The following PTN variants were observed in gnomAD, a reference collection of about 807,000 sequenced individuals.
PTN encodes the protein pleiotrophin.
PTN carries 18 observed loss-of-function variants against 24.1 expected under a neutral mutation model. The observed-to-expected ratio is 0.75, with a 90% CI of 0.52 to 1.11. The LOEUF is 1.11. Among genes scored for constraint, PTN ranks in the 50% least tolerant of loss-of-function variants. The pLI is 0.00. For missense variants in PTN, 163 were observed against 198.8 expected, an observed-to-expected ratio of 0.82 and a Z score of 1.08; for synonymous variants, 78 against 68.6, an observed-to-expected ratio of 1.14 and a Z score of -0.67.
intron 1 of PTN, among the ~76,000 whole-genome samples, chr7:137,339,216 C>T (rs1420048191): frequency 6.6e-6 from 1 of 151,948 alleles, no homozygotes; most frequent in Middle Eastern, 3.2e-3. Context: ...TTGAGATCTC[C>T]TTTAAATACA....
At chr7:137,228,509 C>T (rs779453425) in intron 4 of PTN, among the ~76,000 whole-genome samples, 23 of 151,766 alleles carry the variant, frequency 1.5e-4, no homozygotes, top group Non-Finnish European at 2.7e-4. Flanking sequence ...TTCCCCCATT[C>T]CCTTTCCGTA....
intron 1 of PTN, among the ~76,000 whole-genome samples, chr7:137,262,087 C>A (rs1163041930): frequency 6.6e-6 from 1 of 151,996 alleles, no homozygotes; most frequent in Non-Finnish European, 1.5e-5. Flanking sequence ...TTTTACTTTC[C>A]CTTATAAATA....
At chr7:137,336,139 G>A (rs754218800) in intron 1 of PTN, among the ~76,000 whole-genome samples, 3 of 152,126 alleles carry the variant, frequency 2.0e-5, no homozygotes, top group Non-Finnish European at 4.4e-5. Context: ...TTCATGTTCA[G>A]TATAACAGTT....
intron 1 of PTN, among the ~76,000 whole-genome samples, chr7:137,264,829 T>C (rs139319643): frequency 0.032 from 4,924 of 152,322 alleles, 100 homozygotes; most frequent in Middle Eastern, 0.065. Context: ...AGTTAGCTTA[T>C]CTGCTTCTTG....
chr7:137,289,163 G>A (rs1441647870), intron 1 of PTN, among the ~76,000 whole-genome samples: 1 of 152,082 alleles, frequency 6.6e-6, no homozygotes, highest in Non-Finnish European at 1.5e-5. Flanking sequence ...ATCAAACTTG[G>A]TATATTTGAC....
intron 1 of PTN, among the ~76,000 whole-genome samples, chr7:137,275,598 T>C (rs1230444903): frequency 6.6e-6 from 1 of 152,192 alleles, no homozygotes; most frequent in African/African-American, 2.4e-5. Context: ...CCAAAATCTC[T>C]TGTGGGAAAT....
chr7:137,241,857 C>A (rs1163450899), intron 4 of PTN, among the ~76,000 whole-genome samples: 1 of 152,196 alleles, frequency 6.6e-6, no homozygotes, highest in African/African-American at 2.4e-5. Flanking sequence ...TGGCCAAGTA[C>A]AAGGGCAGTA....
chr7:137,233,241 A>G (rs1019182135), intron 4 of PTN, among the ~76,000 whole-genome samples: 14 of 151,994 alleles, frequency 9.2e-5, no homozygotes, highest in East Asian at 7.8e-4. Context: ...ACTAAGAACT[A>G]AGCCCTAATC....
At chr7:137,342,187 A>G (rs1182055962) in intron 1 of PTN, among the ~76,000 whole-genome samples, 6 of 152,180 alleles carry the variant, frequency 3.9e-5, no homozygotes, top group African/African-American at 1.4e-4. Flanking sequence ...TGTTTCATCA[A>G]TTCCACATTT....
intron 3 of PTN, 122 bp from the exon 4 acceptor site, chr7:137,251,513 A>G (rs1427407303): frequency 5.6e-6 from 6 of 1,074,228 alleles, no homozygotes; most frequent in East Asian, 2.5e-5. Context: ...ATATGCAGCT[A>G]TAAGAAATAA....
At chr7:137,234,451 TTA>T (rs1457348690) in intron 4 of PTN, among the ~76,000 whole-genome samples, 6 of 152,146 alleles carry the variant, frequency 3.9e-5, no homozygotes, top group East Asian at 3.9e-4. Flanking sequence ...TATCAGCAAT[TTA>T]TATGAGTCTA....
intron 1 of PTN, among the ~76,000 whole-genome samples, chr7:137,308,171 C>G (rs1438813163): frequency 6.6e-6 from 1 of 152,144 alleles, no homozygotes; most frequent in Non-Finnish European, 1.5e-5. Flanking sequence ...TGAGCCAACT[C>G]ATTGTTTATT....
chr7:137,324,281 G>A (rs1010337599), intron 1 of PTN, among the ~76,000 whole-genome samples: 10 of 151,284 alleles, frequency 6.6e-5, no homozygotes, highest in African/African-American at 2.4e-4. Context: ...TATAGTCTCA[G>A]CTACTCGGAA....
At chr7:137,298,743 C>G (rs540758378) in intron 1 of PTN, among the ~76,000 whole-genome samples, 15 of 152,136 alleles carry the variant, frequency 9.9e-5, no homozygotes, top group African/African-American at 3.4e-4. Context: ...CACCTCTCAA[C>G]AGGGGTTAGG....
intron 1 of PTN, among the ~76,000 whole-genome samples, chr7:137,278,814 A>G (rs10245430): frequency 0.05 from 7,518 of 151,454 alleles, 637 homozygotes; most frequent in African/African-American, 0.17. Context: ...GGTGGCGCAC[A>G]CCTGTAATCC....
intron 1 of PTN, among the ~76,000 whole-genome samples, chr7:137,317,882 G>A (rs1261106151): frequency 1.3e-5 from 2 of 152,158 alleles, no homozygotes; most frequent in Non-Finnish European, 2.9e-5. Context: ...GGATGAGTAA[G>A]TACCCTGGGA....
In PTN at chr7:137,278,728, G is replaced by A. The variant is rs1032264041; in HGVS notation, c.-1-23754C>T. On this transcript the variant is annotated intron_variant, in intron 1 of 4. Coordinates refer to ENST00000348225, the MANE Select transcript of PTN (RefSeq NM_002825.7). The stretch of plus-strand genomic sequence containing the variant: ...GGCCAAAGCAGGTGGATCACTTGAG[G>A]TCGGAGCTTGAAACCAACCTAGCCA... Among the ~76,000 whole-genome samples the A allele has an allele frequency of 1.5e-4, 23 of 151,672 alleles. No homozygotes were observed. The East Asian group carries it at 4.1e-3, about 27-fold the overall frequency.
chr7:137,263,376 C>T (rs1809077688), intron 1 of PTN, among the ~76,000 whole-genome samples: 2 of 152,152 alleles, frequency 1.3e-5, no homozygotes, highest in South Asian at 4.1e-4. Flanking sequence ...TATGTGTAGA[C>T]AGTAACTAGT....
chr7:137,234,954 C>T (rs1390332780), intron 4 of PTN, among the ~76,000 whole-genome samples: 1 of 151,896 alleles, frequency 6.6e-6, no homozygotes, highest in Non-Finnish European at 1.5e-5. Context: ...AATAGAAATA[C>T]AAAATGTGCA....
Sources: allele counts gnomAD v4.1 joint callset (sites outside exome capture counted in the v4.1 genomes callset), GRCh38; gene constraint gnomAD v4.1.1; transcripts MANE v1.5; gene names NCBI Gene and HGNC (gene_info 2026-07-23, HGNC 2026-07-21).